CACNA1B: variants seen among roughly 807,000 people sequenced by gnomAD.
The protein encoded by CACNA1B is calcium voltage-gated channel subunit alpha1 B.
In CACNA1B, 70 loss-of-function variants were observed where a neutral mutation model predicts 247.2. The observed-to-expected ratio is 0.28, with a 90% confidence interval of 0.23 to 0.35. CACNA1B has a LOEUF of 0.35. CACNA1B is among the 10% of genes least tolerant of loss of function. The pLI is 1.00. For synonymous variants in CACNA1B, 1,231 were observed against 1,294.4 expected (o/e 0.95, Z 1.05); for missense variants, 2,367 against 3,197.4 (o/e 0.74, Z 6.26).
intron 6 of CACNA1B, among the ~76,000 whole-genome samples, chr9:137,924,206 T>C (rs1391851551): frequency 2.0e-5 from 3 of 151,370 alleles, no homozygotes; most frequent in Admixed American, 1.3e-4. Flanking sequence ...AAGATTTTCT[T>C]TTTTTTTTTC....
At chr9:138,080,632 C>G (rs996000083) in intron 36 of CACNA1B, among the ~76,000 whole-genome samples, 4 of 152,102 alleles carry the variant, frequency 2.6e-5, no homozygotes, top group Non-Finnish European at 5.9e-5. Context: ...GAAGTGGAGA[C>G]AAAAACAGCA....
intron 10 of CACNA1B, among the ~76,000 whole-genome samples, chr9:137,961,901 G>T (rs1958025220): frequency 6.6e-6 from 1 of 152,214 alleles, no homozygotes; most frequent in Admixed American, 6.5e-5. Flanking sequence ...CATAGAATGA[G>T]TTAGGGAGGA....
rs899633577 is a variant in CACNA1B, at chr9:138,010,118, C to T, written c.2160+41C>T. 1.3e-6 allele frequency: 2 copies of T among 1,523,500 alleles called. No homozygotes were observed. Among genetic ancestry groups the T allele is most frequent in the African/African-American group, 2.7e-5 (2 of 73,020 alleles). The allele number at this position is 1,523,500 out of a possible 1,614,324, so 94.4% of individuals were successfully genotyped here. On this transcript the variant is annotated intron_variant, in intron 17 of 46. Coordinates refer to ENST00000371372, the MANE Select transcript of CACNA1B (RefSeq NM_000718.4). The surrounding 1 kb of genome is among the most constrained non-coding windows in gnomAD (Gnocchi z 5.3). The stretch of plus-strand genomic sequence containing the variant: ...GAGGGACCGGTGTCAGCCCATGTCA[C>T]TTGAATGTGGCCGCAGCCAGGAAGA...
chr9:138,000,156 T>C (rs1023241208), intron 15 of CACNA1B, among the ~76,000 whole-genome samples: 2 of 150,344 alleles, frequency 1.3e-5, no homozygotes, highest in African/African-American at 2.4e-5. Flanking sequence ...TGGAGTGCAG[T>C]GGTGCGATCT....
chr9:138,000,989 A>C (rs1393328870), intron 15 of CACNA1B, among the ~76,000 whole-genome samples: 1 of 152,144 alleles, frequency 6.6e-6, no homozygotes, highest in Non-Finnish European at 1.5e-5. Context: ...TGCTTTTTAC[A>C]GTCTTGTTAT....
chr9:138,009,970 T>C (rs201448075), intron 16 of CACNA1B, 40 bp from the exon 17 acceptor site: 19 of 1,537,156 alleles, frequency 1.2e-5, no homozygotes, highest in Admixed American at 1.7e-5. Flanking sequence ...ACTGGGGCCA[T>C]GTGGGGCAGA....
intron 36 of CACNA1B, among the ~76,000 whole-genome samples, chr9:138,079,998 C>T (rs924178249): frequency 6.6e-6 from 1 of 152,230 alleles, no homozygotes; most frequent in Admixed American, 6.5e-5. Flanking sequence ...AGTTTGAGAG[C>T]CGGTAAGAGG....
At chr9:138,043,403 G>C (rs539483573) in intron 20 of CACNA1B, among the ~76,000 whole-genome samples, 2 of 152,290 alleles carry the variant, frequency 1.3e-5, no homozygotes, top group African/African-American at 4.8e-5. Flanking sequence ...GCTCCTCCCT[G>C]TGCTGCGGGT....
At chr9:138,060,868 T>TC (rs1444736718) in intron 31 of CACNA1B, among the ~76,000 whole-genome samples, 6 of 151,950 alleles carry the variant, frequency 3.9e-5, no homozygotes, top group Non-Finnish European at 7.4e-5. Context: ...ATCATCCCGT[T>TC]CCCCCCACCC....
In CACNA1B at chr9:137,954,316, C is replaced by G. The variant is rs1564205836; in HGVS notation, c.1071-1382C>G. 6.6e-6 allele frequency among the ~76,000 whole-genome samples: 1 copy of G among 152,188 alleles called. No individual in the cohort carries two copies. The highest frequency in any genetic ancestry group is 1.9e-4 in the East Asian group (1 of 5,174). On this transcript the variant is annotated intron_variant, in intron 7 of 46. Coordinates refer to ENST00000371372, the MANE Select transcript of CACNA1B (RefSeq NM_000718.4). The surrounding 1 kb of genome is among the most constrained non-coding windows in gnomAD (Gnocchi z 4.1). ...GGGCGAGAGCTGCAGGAGGGGCCAG[C>G]TTGGGGCCAATTCGGCATCTCTCTC...
intron 20 of CACNA1B, among the ~76,000 whole-genome samples, chr9:138,030,767 T>A (rs2133450032): frequency 6.6e-6 from 1 of 152,346 alleles, no homozygotes; most frequent in African/African-American, 2.4e-5. Flanking sequence ...GTTATCTATT[T>A]CATATTGGAT....
chr9:138,085,921 A>AG (rs1262796309), intron 36 of CACNA1B, among the ~76,000 whole-genome samples: 1 of 151,342 alleles, frequency 6.6e-6, no homozygotes, highest in Non-Finnish European at 1.5e-5. Context: ...CTGGAAGCAA[A>AG]GACATGATAA....
chr9:138,034,050 G>T (rs1959015027), intron 20 of CACNA1B, among the ~76,000 whole-genome samples: 1 of 152,162 alleles, frequency 6.6e-6, no homozygotes, highest in Non-Finnish European at 1.5e-5. Context: ...GGGAGTTTTA[G>T]CTCCCCACTA....
intron 31 of CACNA1B, 138 bp from the exon 32 acceptor site, chr9:138,069,620 A>G (rs1960048478): frequency 4.4e-6 from 3 of 682,172 alleles, no homozygotes; most frequent in South Asian, 3.2e-5. Context: ...ACCTTAACCT[A>G]CCTGCTGACT....
intron 44 of CACNA1B, among the ~76,000 whole-genome samples, chr9:138,119,788 G>A (rs529273729): frequency 3.9e-5 from 6 of 152,276 alleles, no homozygotes; most frequent in African/African-American, 7.2e-5. Flanking sequence ...GGGCCTACCC[G>A]TCCCAGGTGT....
intron 18 of CACNA1B, among the ~76,000 whole-genome samples, chr9:138,016,972 C>G (rs1266018606): frequency 6.6e-6 from 1 of 152,218 alleles, no homozygotes; most frequent in Non-Finnish European, 1.5e-5. Context: ...TCTCTTTCAC[C>G]CTGAGGTCTC....
intron 6 of CACNA1B, among the ~76,000 whole-genome samples, chr9:137,918,904 G>A (rs1957447073): frequency 6.6e-6 from 1 of 152,214 alleles, no homozygotes; most frequent in East Asian, 1.9e-4. Context: ...ATGAGGAACA[G>A]GACAAAGCCG....
At chr9:137,997,714 T>C (rs965700068) in intron 15 of CACNA1B, among the ~76,000 whole-genome samples, 4 of 152,236 alleles carry the variant, frequency 2.6e-5, no homozygotes, top group Non-Finnish European at 5.9e-5. Context: ...TTCTTTATGC[T>C]GTTGGTGGGT....
chr9:137,935,818 A>T lies in CACNA1B; in HGVS notation c.967-16456A>T, dbSNP rs1322133748. Among the ~76,000 whole-genome samples the T allele has an allele frequency of 3.3e-5, 5 of 151,146 alleles. No homozygotes were observed. The East Asian group carries it at 9.9e-4, about 30-fold the overall frequency. On this transcript the variant is annotated intron_variant, in intron 6 of 46. Coordinates refer to ENST00000371372, the MANE Select transcript of CACNA1B (RefSeq NM_000718.4). ...TTGACGGAGTCTCACTCTGTTGCCCAGGCTGGAGTACAGTGGCATGATCTC... is the reference window on the plus strand; with the variant it reads ...TTGACGGAGTCTCACTCTGTTGCCCTGGCTGGAGTACAGTGGCATGATCTC...
Sources: allele counts gnomAD v4.1 joint callset (sites outside exome capture counted in the v4.1 genomes callset), GRCh38; gene constraint gnomAD v4.1.1; non-coding constraint Gnocchi (gnomAD v3.1); transcripts MANE v1.5; gene names NCBI Gene and HGNC (gene_info 2026-07-23, HGNC 2026-07-21).